Variants in KIAA1671 observed in about 807,000 individuals in gnomAD.
KIAA1671 encodes uncharacterized protein KIAA1671.
KIAA1671 carries 52 observed loss-of-function variants against 131.2 expected under a neutral mutation model. The ratio of observed to expected loss-of-function variants is 0.40; its 90% CI spans 0.32 to 0.50. The LOEUF is 0.50. Ranked by LOEUF, KIAA1671 falls within the 20% of genes least tolerant of loss-of-function variation. The pLI, the probability that KIAA1671 is intolerant of heterozygous loss-of-function variation, is 0.73. For synonymous variants in KIAA1671, 1,003 were observed against 961.6 expected (o/e 1.04, Z -0.80); for missense variants, 2,360 against 2,364.2 (o/e 1.00, Z 0.04).
intron 1 of KIAA1671, among the ~76,000 whole-genome samples, chr22:24,960,321 G>A (rs1046102707): frequency 4.0e-5 from 6 of 151,454 alleles, no homozygotes; most frequent in Admixed American, 2.6e-4. Context: ...GCGGCCGGGC[G>A]GATCACTTGA....
intron 4 of KIAA1671, among the ~76,000 whole-genome samples, chr22:25,034,586 A>C (rs892573393): frequency 2.0e-5 from 3 of 152,058 alleles, no homozygotes; most frequent in African/African-American, 7.2e-5. Context: ...AGTAGACCAC[A>C]ATTCGTTTAT....
At chr22:25,100,559 C>G (rs866839675) in intron 6 of KIAA1671, among the ~76,000 whole-genome samples, 5 of 152,220 alleles carry the variant, frequency 3.3e-5, no homozygotes, top group African/African-American at 1.2e-4. Flanking sequence ...TGTGTCACAG[C>G]TCTGCACATA....
chr22:25,029,463 C>A lies in KIAA1671; in HGVS notation c.1464C>A (p.Ala488=), dbSNP rs200771652. 3 of 1,551,148 alleles carry A rather than the reference C, an allele frequency of 1.9e-6. No individual in the cohort carries two copies. In the Admixed American group the frequency reaches 5.9e-5, roughly 30 times the overall value. ...SVQERIRGWT[A]ESSEAKPEVR... is the part of the protein sequence containing the mutation. Reference sequence around the variant, plus strand: ...AGGAACGGATCAGAGGCTGGACTGCCGAGAGCTCAGAGGCTAAGCCCGAGG... The same window carrying A: ...AGGAACGGATCAGAGGCTGGACTGCAGAGAGCTCAGAGGCTAAGCCCGAGG... Residue 488 remains alanine, a synonymous_variant, in exon 3 of 13, where the codon GCC becomes GCA. Coordinates refer to ENST00000358431, the MANE Select transcript of KIAA1671 (RefSeq NM_001145206.2).
chr22:25,116,462 C>T (rs1426953609), intron 6 of KIAA1671, among the ~76,000 whole-genome samples: 2 of 151,750 alleles, frequency 1.3e-5, no homozygotes, highest in Admixed American at 1.3e-4. Context: ...TGCTCTGTCC[C>T]CTAGGCTGGA....
At chr22:25,187,474 A>T (rs1003071676) in intron 11 of KIAA1671, among the ~76,000 whole-genome samples, 1 of 150,408 alleles carries the variant, frequency 6.6e-6, no homozygotes, top group Non-Finnish European at 1.5e-5. Flanking sequence ...CATAAACGTG[A>T]TTTTTTTTTT....
intron 1 of KIAA1671, among the ~76,000 whole-genome samples, chr22:24,959,242 A>C (rs1054293971): frequency 5.3e-5 from 8 of 152,074 alleles, no homozygotes; most frequent in Non-Finnish European, 1.0e-4. Flanking sequence ...ACAGTGACTC[A>C]AACCTGTAAT....
chr22:24,963,994 T>G lies in KIAA1671; in HGVS notation c.-208+11222T>G, dbSNP rs189461397. Among the ~76,000 whole-genome samples the G allele has an allele frequency of 1.9e-3, 285 of 151,176 alleles. 1 individual carries two copies. Among genetic ancestry groups the G allele is most frequent in the Middle Eastern group, 3.5e-3 (1 of 284 alleles). On this transcript the variant is annotated intron_variant, in intron 1 of 12. Coordinates refer to ENST00000358431, the MANE Select transcript of KIAA1671 (RefSeq NM_001145206.2). The stretch of plus-strand genomic sequence containing the variant: ...TAACTGAGGCTGCCACTCATCTTTA[T>G]GCAGACCCCACTTTTGAGAATAATA...
intron 3 of KIAA1671, among the ~76,000 whole-genome samples, chr22:25,031,955 C>T (rs953291939): frequency 4.8e-4 from 73 of 152,190 alleles, no homozygotes; most frequent in African/African-American, 7.2e-5. Flanking sequence ...GAACTAAACA[C>T]GTGCTACATC....
intron 6 of KIAA1671, among the ~76,000 whole-genome samples, chr22:25,079,855 G>T (rs991449098): frequency 6.6e-6 from 1 of 152,112 alleles, no homozygotes; most frequent in Admixed American, 6.5e-5. Flanking sequence ...CTTTGAGTAG[G>T]TCCCTCTGGC....
At chr22:25,012,421 C>G (rs1053207262) in intron 1 of KIAA1671, 1 of 151,890 alleles carries the variant, frequency 6.6e-6, no homozygotes, top group Non-Finnish European at 1.5e-5. Context: ...TACAGGCATG[C>G]GTCACCACGC....
intron 1 of KIAA1671, among the ~76,000 whole-genome samples, chr22:24,981,335 T>G (rs1318485181): frequency 1.3e-5 from 2 of 152,162 alleles, no homozygotes; most frequent in Non-Finnish European, 2.9e-5. Context: ...CTGGGTGAGA[T>G]GCTGAAGAAA....
At chr22:25,142,895 A>C (rs761208491) in intron 6 of KIAA1671, among the ~76,000 whole-genome samples, 37 of 152,296 alleles carry the variant, frequency 2.4e-4, no homozygotes, top group South Asian at 1.0e-3. Flanking sequence ...AAACCAGGTG[A>C]ATGAATCCAA....
At chr22:25,119,268 G>T (rs117693968) in intron 6 of KIAA1671, among the ~76,000 whole-genome samples, 1 of 152,072 alleles carries the variant, frequency 6.6e-6, no homozygotes, top group African/African-American at 2.4e-5. Flanking sequence ...ACACAGCCCT[G>T]GTGTACACCT....
chr22:25,038,672 A>T, intron 4 of KIAA1671, 88 bp from the exon 5 acceptor site: 1 of 1,290,608 alleles, frequency 7.7e-7, no homozygotes, highest in Middle Eastern at 2.7e-4. Context: ...TAATTATACA[A>T]GCAGCCCTTT....
At chr22:25,013,600 C>A (rs1057236090) in intron 1 of KIAA1671, 1 of 152,184 alleles carries the variant, frequency 6.6e-6, no homozygotes, top group Admixed American at 6.5e-5. Context: ...AAGGAGAGAG[C>A]GTGTTATGCT....
chr22:25,039,037 C>G lies in KIAA1671; in HGVS notation c.1907C>G (p.Pro636Arg). 6.4e-7 allele frequency: 1 copy of G among 1,551,762 alleles called. No individual in the cohort carries two copies. Among genetic ancestry groups the G allele is most frequent in the Non-Finnish European group, 8.7e-7 (1 of 1,147,030 alleles). ...TCGGGACGTTGTCTCTCCACCACACCCCCTGGTGACATGGCCCATGCCCGT... is the reference window on the plus strand; with the variant it reads ...TCGGGACGTTGTCTCTCCACCACACGCCCTGGTGACATGGCCCATGCCCGT... Reference protein sequence around the residue: ...DQSGRCLSTTPPGDMAHARVS... With the variant: ...DQSGRCLSTTRPGDMAHARVS... Residue 636 changes from proline to arginine, a missense_variant, in exon 5 of 13, where the codon CCC (proline) becomes CGC (arginine). Physicochemically the swap from Pro to Arg is moderately radical, Grantham distance 103. This residue lies in a region of KIAA1671 where 1,185 missense variants were observed against 1,126.2 expected (regional missense o/e 1.05). Coordinates refer to ENST00000358431, the MANE Select transcript of KIAA1671 (RefSeq NM_001145206.2).
intron 1 of KIAA1671, among the ~76,000 whole-genome samples, chr22:25,000,485 G>T (rs189999577): frequency 1.7e-5 from 1 of 58,574 alleles, no homozygotes; most frequent in Non-Finnish European, 3.8e-5. Flanking sequence ...GAGCCACCGC[G>T]CCCGGCCTTT....
intron 1 of KIAA1671, among the ~76,000 whole-genome samples, chr22:24,993,445 C>A (rs1923950102): frequency 6.6e-6 from 1 of 152,236 alleles, no homozygotes; most frequent in Non-Finnish European, 1.5e-5. Context: ...TGACTCTAGA[C>A]CTCATGGCTT....
At chr22:25,017,048 A>G (rs1232235307) in intron 1 of KIAA1671, among the ~76,000 whole-genome samples, 1 of 152,110 alleles carries the variant, frequency 6.6e-6, no homozygotes, top group Non-Finnish European at 1.5e-5. Flanking sequence ...CTTCATAGAA[A>G]AGGGTGGTAA....
Sources: gnomAD v4.1 joint callset for allele counts (sites outside exome capture counted in the v4.1 genomes callset) on GRCh38, gnomAD v4.1.1 for gene constraint, gnomAD v4.1.1 regional missense constraint, MANE v1.5 for transcripts, NCBI Gene and HGNC (gene_info 2026-07-23, HGNC 2026-07-21) for gene names.